HTRA4: variants seen among roughly 807,000 people sequenced by gnomAD.
HTRA4 encodes the protein serine protease HTRA4.
HTRA4 carries 46 observed loss-of-function variants against 49.1 expected under a neutral mutation model. That is an observed-to-expected ratio of 0.94 (90% CI 0.74 to 1.20). The LOEUF is 1.20. Among genes scored for constraint, HTRA4 ranks in the 50% most tolerant of loss-of-function variants. HTRA4 has a pLI of 0.00. For missense variants in HTRA4, 602 were observed against 636.9 expected, an observed-to-expected ratio of 0.95 and a Z score of 0.59; for synonymous variants, 261 against 264.0, an observed-to-expected ratio of 0.99 and a Z score of 0.11.
chr8:38,983,276 C>A (rs1278431181), intron 8 of HTRA4, among the ~76,000 whole-genome samples: 3 of 152,218 alleles, frequency 2.0e-5, no homozygotes, highest in African/African-American at 7.2e-5. Flanking sequence ...GTGGCTCATG[C>A]CTGTAATCCC....
chr8:38,985,012 G>C (rs1406761566), intron 8 of HTRA4, among the ~76,000 whole-genome samples: 1 of 152,142 alleles, frequency 6.6e-6, no homozygotes, highest in Admixed American at 6.5e-5. Flanking sequence ...CCAGCGCTAA[G>C]ACCTGTGTAA....
intron 6 of HTRA4, among the ~76,000 whole-genome samples, chr8:38,982,101 G>T (rs1835431476): frequency 6.6e-6 from 1 of 152,072 alleles, no homozygotes; most frequent in Admixed American, 6.5e-5. Context: ...GCTTGCCTCG[G>T]CCTCCCAAAG....
In HTRA4 at chr8:38,988,146, T is replaced by A; in HGVS notation, c.*48T>A. ...TATCTAAAAAAAAAAAAACCAGTTA[T>A]ATCACGTGGTTTGTATTGGAGATGT... On this transcript the variant is annotated 3_prime_UTR_variant, in exon 9 of 9. Transcript: ENST00000302495. 6.9e-7 allele frequency: 1 copy of A among 1,440,708 alleles called. No individual in the cohort carries two copies. Among genetic ancestry groups the A allele is most frequent in the Non-Finnish European group, 9.2e-7 (1 of 1,081,866 alleles). The allele number at this position is 1,440,708 out of a possible 1,614,324, so 89.2% of individuals were successfully genotyped here.
rs551331207 is a variant in HTRA4, at chr8:38,984,340, TGTTG to T, written c.1268+1294_1268+1297del. Among the ~76,000 whole-genome samples, 50 of 151,538 alleles carry T rather than the reference TGTTG, an allele frequency of 3.3e-4. No individual in the cohort carries two copies. In the South Asian group the frequency reaches 9.5e-3, roughly 29 times the overall value. On this transcript the variant is annotated intron_variant, in intron 8 of 8. Coordinates refer to ENST00000302495, the MANE Select transcript of HTRA4 (RefSeq NM_153692.4). Reference sequence around the variant, plus strand: ...TTAAAACACATTTTTCGGCTGGGCATGTTGGCTCAGCCCTGTAATCCTAGCACTT... The same window carrying T: ...TTAAAACACATTTTTCGGCTGGGCATGCTCAGCCCTGTAATCCTAGCACTT...
In HTRA4 at chr8:38,988,154, G is replaced by C; in HGVS notation, c.*56G>C. The stretch of plus-strand genomic sequence containing the variant: ...AAAAAAAAAACCAGTTATATCACGT[G>C]GTTTGTATTGGAGATGTGCCAAACA... On this transcript the variant is annotated 3_prime_UTR_variant, in exon 9 of 9. Coordinates refer to ENST00000302495, the MANE Select transcript of HTRA4 (RefSeq NM_153692.4). The C allele has an allele frequency of 7.0e-7, 1 of 1,425,306 alleles. No individual in the cohort carries two copies. The highest frequency in any genetic ancestry group is 9.3e-7 in the Non-Finnish European group (1 of 1,076,450). The allele number at this position is 1,425,306 out of a possible 1,614,324, so 88.3% of individuals were successfully genotyped here. A position where few individuals can be genotyped will look rare whatever the true frequency, so the allele number is the denominator to read the frequency against.
Position 38,974,714 on chromosome 8 carries a change from A to C in HTRA4, c.451A>C (p.Asn151His), listed in dbSNP as rs1318818765. ...CCCGGCCGTGCCTGTGCAGTGGGGG[A>C]ACTGCGGGGATACAGGTGAGCCGCG... ...KVPAVPVQWG[N>H]CGDTGTRSAG... Residue 151 changes from asparagine (N) to histidine (H), a missense_variant, in exon 1 of 9, where the codon AAC (asparagine) becomes CAC (histidine). Asn to His is a moderately conservative substitution (Grantham distance 68, BLOSUM62 1). Coordinates refer to ENST00000302495, the MANE Select transcript of HTRA4 (RefSeq NM_153692.4). 7.0e-6 allele frequency: 10 copies of C among 1,424,372 alleles called. No individual in the cohort carries two copies. In the South Asian group the frequency reaches 1.4e-4, roughly 20 times the overall value. 88.2% of individuals were successfully genotyped at this position (1,424,372 alleles called of 1,614,324 possible).
At chr8:38,974,956 C>A in intron 1 of HTRA4, 75 bp from the exon 2 acceptor site, 1 of 1,556,996 alleles carries the variant, frequency 6.4e-7, no homozygotes, top group Non-Finnish European at 8.8e-7. Flanking sequence ...ACTGTCTTGC[C>A]TTTAACATTT....
rs1375625658 is a variant in HTRA4 at position 38,988,362 on chromosome 8, GC to G, written c.*265del. The G allele has an allele frequency of 3.9e-6, 1 of 256,072 alleles. No homozygotes were observed. The highest frequency in any genetic ancestry group is 7.4e-6 in the Non-Finnish European group (1 of 135,562). The allele number at this position is 256,072 out of a possible 1,614,324, so 15.9% of individuals were successfully genotyped here. On this transcript the variant is annotated 3_prime_UTR_variant, in exon 9 of 9. Coordinates refer to ENST00000302495, the MANE Select transcript of HTRA4 (RefSeq NM_153692.4). ...ATGGAGCTGGAAACCATTATCCTCA[GC>G]AAACTAACGCAGGAACAGAAAACCA...
Position 38,974,563 on chromosome 8 carries a change from C to T in HTRA4, c.300C>T (p.Pro100=). 2 of 1,406,162 alleles carry T rather than the reference C, an allele frequency of 1.4e-6. No individual in the cohort carries two copies. The highest frequency in any genetic ancestry group is 1.8e-6 in the Non-Finnish European group (2 of 1,088,282). The allele number at this position is 1,406,162 out of a possible 1,614,324, so 87.1% of individuals were successfully genotyped here. A position where few individuals can be genotyped will look rare whatever the true frequency, so the allele number is the denominator to read the frequency against. ...PGLQCLQPLR[P]GFPSTCGCPT... is the part of the protein sequence containing the mutation. ...TGCAGTGCCTCCAGCCGCTGCGCCCCGGGTTCCCCAGCACCTGCGGTTGCC... is the reference window on the plus strand; with the variant it reads ...TGCAGTGCCTCCAGCCGCTGCGCCCTGGGTTCCCCAGCACCTGCGGTTGCC... The change falls in exon 1 of 9, where the codon CCC becomes CCT. Residue 100 remains proline (P), a synonymous_variant. Transcript: ENST00000302495.
rs1427237172 is a variant in HTRA4, at chr8:38,988,314, AAC to A, written c.*218_*219del. ...GGAATACTATGCAGCCATAAAAAGC[AAC>A]AGTCCTCTGCAGGGACATGGATGGA... is the stretch of plus-strand genomic sequence containing the variant. On this transcript the variant is annotated 3_prime_UTR_variant, in exon 9 of 9. Transcript: ENST00000302495. The A allele has an allele frequency of 4.8e-6, 2 of 416,568 alleles. No homozygotes were observed. Among genetic ancestry groups the A allele is most frequent in the African/African-American group, 4.2e-5 (2 of 48,190 alleles). 25.8% of individuals were successfully genotyped at this position (416,568 alleles called of 1,614,324 possible). A position where few individuals can be genotyped will look rare whatever the true frequency, so the allele number is the denominator to read the frequency against.
chr8:38,978,137 C>A lies in HTRA4; in HGVS notation c.956C>A (p.Ala319Asp). 6.2e-7 allele frequency: 1 copy of A among 1,612,822 alleles called. No homozygotes were observed. The highest frequency in any genetic ancestry group is 2.2e-5 in the East Asian group (1 of 44,868). ...DSDMDYVQIDATINYGNSGGP... is the reference protein window; with the variant it reads ...DSDMDYVQIDDTINYGNSGGP... ...GATATGGACTACGTCCAGATTGATG[C>A]CACAATTAATGTAAGTCACTTAGGA... The change falls in exon 4 of 9, where the codon GCC becomes GAC. Residue 319 changes from alanine (A) to aspartate (D), a missense_variant. By Grantham distance (126) the Ala-to-Asp change is moderately radical. Coordinates refer to ENST00000302495, the MANE Select transcript of HTRA4 (RefSeq NM_153692.4).
chr8:38,975,583 A>T (rs1554564892), intron 2 of HTRA4, among the ~76,000 whole-genome samples: 1 of 151,934 alleles, frequency 6.6e-6, no homozygotes, highest in Non-Finnish European at 1.5e-5. Context: ...TAATATTTGT[A>T]TTTTTTTGTA....
At chr8:38,984,013 T>TC (rs1445108658) in intron 8 of HTRA4, among the ~76,000 whole-genome samples, 6 of 133,894 alleles carry the variant, frequency 4.5e-5, no homozygotes, top group African/African-American at 1.3e-4. Context: ...TAGTTTTTTT[T>TC]TCTTTTGAGA....
rs554885105 is a variant in HTRA4 at position 38,978,188 on chromosome 8, G to A, written c.966+41G>A. 1.4e-5 allele frequency: 22 copies of A among 1,554,666 alleles called. No homozygotes were observed. The East Asian group carries it at 4.5e-4, about 32-fold the overall frequency. On this transcript the variant is annotated intron_variant, in intron 4 of 8. Coordinates refer to ENST00000302495, the MANE Select transcript of HTRA4 (RefSeq NM_153692.4). The stretch of plus-strand genomic sequence containing the variant: ...CAGAGGTGCCCAACCCATGGGCTGT[G>A]GACCAGTACAGGTCCATGGCCTGTT...
At position 38,978,027 on chromosome 8, in the gene HTRA4, C is replaced by T. The variant is rs1023659686; in HGVS notation, c.846C>T (p.Ser282=). 2 of 1,614,022 alleles carry T rather than the reference C, an allele frequency of 1.2e-6. No homozygotes were observed. The highest frequency in any genetic ancestry group is 1.7e-6 in the Non-Finnish European group (2 of 1,180,040). The part of the protein sequence containing the change: ...RAGEFVVALG[S]PFSLQNTATA... Reference sequence around the variant, plus strand: ...GAGAGTTTGTGGTGGCTTTGGGCAGCCCATTTTCTCTGCAGAACACAGCTA... The same window carrying T: ...GAGAGTTTGTGGTGGCTTTGGGCAGTCCATTTTCTCTGCAGAACACAGCTA... Residue 282 remains serine (S), a synonymous_variant, in exon 4 of 9, where the codon AGC becomes AGT. Coordinates refer to ENST00000302495, the MANE Select transcript of HTRA4 (RefSeq NM_153692.4).
At position 38,988,119 on chromosome 8, in the gene HTRA4, A is replaced by G. The variant is rs66513029; in HGVS notation, c.*21A>G. The G allele has an allele frequency of 3.3e-6, 5 of 1,497,334 alleles. No individual in the cohort carries two copies. The highest frequency in any genetic ancestry group is 2.7e-6 in the Non-Finnish European group (3 of 1,120,966). 92.8% of individuals were successfully genotyped at this position (1,497,334 alleles called of 1,614,324 possible). On this transcript the variant is annotated 3_prime_UTR_variant, in exon 9 of 9. Coordinates refer to ENST00000302495, the MANE Select transcript of HTRA4 (RefSeq NM_153692.4). The stretch of plus-strand genomic sequence containing the variant: ...ATTAAATATCTTGTTTTAAAGTGGG[A>G]TTATCTAAAAAAAAAAAAACCAGTT...
chr8:38,984,853 C>A (rs530779055), intron 8 of HTRA4, among the ~76,000 whole-genome samples: 1 of 152,202 alleles, frequency 6.6e-6, no homozygotes, highest in South Asian at 2.1e-4. Flanking sequence ...TGAGTCTGGG[C>A]TGTAATGAGC....
intron 8 of HTRA4, among the ~76,000 whole-genome samples, chr8:38,983,561 TG>T (rs36097113): frequency 7.9e-5 from 12 of 151,904 alleles, no homozygotes; most frequent in African/African-American, 2.7e-4. Flanking sequence ...AGTAGTATAT[TG>T]GGGGGGTGTG....
rs867656443 is a variant in HTRA4, at chr8:38,981,087, T to G, written c.1000-566T>G. ...AGTTTTTTTTTTTTTTTTTTTTTTT[T>G]TTTTTTTTTTGAGACGGAGTCTCGC... On this transcript the variant is annotated intron_variant, in intron 5 of 8. Coordinates refer to ENST00000302495, the MANE Select transcript of HTRA4 (RefSeq NM_153692.4). 5.1e-4 allele frequency among the ~76,000 whole-genome samples: 63 copies of G among 124,452 alleles called. 7 individuals carry two copies. The East Asian group carries it at 8.0e-3, about 16-fold the overall frequency. 81.6% of individuals were successfully genotyped at this position (124,452 alleles called of 152,430 possible).
Sources: gnomAD v4.1 joint callset for allele counts (sites outside exome capture counted in the v4.1 genomes callset) on GRCh38, gnomAD v4.1.1 for gene constraint, MANE v1.5 for transcripts, NCBI Gene and HGNC (gene_info 2026-07-23, HGNC 2026-07-21) for gene names.